Variants in ANO7 observed in about 807,000 individuals in gnomAD.
ANO7 encodes anoctamin-7.
In ANO7, 114 loss-of-function variants were observed where a neutral mutation model predicts 115.8. That is an observed-to-expected ratio of 0.98 (90% CI 0.85 to 1.15). The LOEUF (loss-of-function observed/expected upper bound fraction) is 1.15. Ranked by LOEUF, ANO7 falls within the 50% of genes most tolerant of loss-of-function variation. The pLI is 0.00. For missense variants in ANO7, 1,302 were observed against 1,201.2 expected, an observed-to-expected ratio of 1.08 and a Z score of -1.24; for synonymous variants, 550 against 498.2, an observed-to-expected ratio of 1.10 and a Z score of -1.38.
Position 241,223,830 on chromosome 2 carries a change from C to T in ANO7, c.2532+49C>T, listed in dbSNP as rs758333668. The T allele has an allele frequency of 5.6e-6, 9 of 1,614,010 alleles. No individual in the cohort carries two copies. The African/African-American group carries it at 6.7e-5, about 12-fold the overall frequency. ...GCCCTCCCCCCAGCCCTCTCCCTAT[C>T]CTTGTCAGTGGCTGCTCTACCTCCG... On this transcript the variant is annotated intron_variant, in intron 23 of 24. Transcript: ENST00000674324.
Position 241,203,248 on chromosome 2 carries a change from T to G in ANO7, c.724-85T>G. 2 of 1,142,696 alleles carry G rather than the reference T, an allele frequency of 1.8e-6. No homozygotes were observed. Among genetic ancestry groups the G allele is most frequent in the Admixed American group, 6.8e-5 (2 of 29,326 alleles). 70.8% of individuals were successfully genotyped at this position (1,142,696 alleles called of 1,614,324 possible). On this transcript the variant is annotated intron_variant, in intron 8 of 24. Coordinates refer to ENST00000674324, the MANE Select transcript of ANO7 (RefSeq NM_001370694.2). The surrounding 1 kb of genome is among the most constrained non-coding windows in gnomAD (Gnocchi z 4.8). ...AGACTCCCAGGCCTGTCTGCCCATGTCCCACACTGAAGCCCCTGCACCTAC... is the reference window on the plus strand; with the variant it reads ...AGACTCCCAGGCCTGTCTGCCCATGGCCCACACTGAAGCCCCTGCACCTAC...
At chr2:241,223,524 CT>C in intron 22 of ANO7, 137 bp from the exon 23 acceptor site, 1 of 1,387,872 alleles carries the variant, frequency 7.2e-7, no homozygotes, top group Non-Finnish European at 9.8e-7. Flanking sequence ...TCTGCCCCTT[CT>C]GGGGTTCCTT....
chr2:241,218,133 G>A (rs1457527776), intron 20 of ANO7, 106 bp from the exon 21 acceptor site: 5 of 502,942 alleles, frequency 9.9e-6, no homozygotes, highest in Non-Finnish European at 1.2e-5. Flanking sequence ...GCGGAGCGGG[G>A]GCGCGCAGGG....
chr2:241,214,743 AG>A, intron 17 of ANO7, 61 bp from the exon 18 acceptor site: 1 of 1,484,210 alleles, frequency 6.7e-7, no homozygotes, highest in Non-Finnish European at 9.3e-7. Context: ...TGAGACAAGA[AG>A]GGATGCGTGG....
chr2:241,209,581 TGA>T lies in ANO7; in HGVS notation c.1309_1310del (p.Arg437GlufsTer138). The T allele has an allele frequency of 6.2e-7, 1 of 1,603,432 alleles. No individual in the cohort carries two copies. Among genetic ancestry groups the T allele is most frequent in the Non-Finnish European group, 8.5e-7 (1 of 1,175,752 alleles). On this transcript the variant is annotated frameshift_variant, in exon 13 of 25. Coordinates refer to ENST00000674324, the MANE Select transcript of ANO7 (RefSeq NM_001370694.2). LOFTEE classifies it high-confidence loss of function. ...CGGGTGAGGACGAGCCCTACTTCCC[TGA>T]GAGGAGCCGCGCGCGCCGCATGCTG... ...ITGEDEPYFP[E>X]RSRARRMLAG...
intron 1 of ANO7, 147 bp from the exon 2 acceptor site, chr2:241,189,910 G>A: frequency 4.9e-6 from 3 of 607,928 alleles, no homozygotes; most frequent in Non-Finnish European, 8.6e-6. Flanking sequence ...CTCATGGCCA[G>A]GAGAGTCTGC....
chr2:241,235,259 C>A, the ANO7 span: 1 of 1,614,140 alleles, frequency 6.2e-7, no homozygotes, highest in Non-Finnish European at 8.5e-7. Flanking sequence ...TGTTCACCTA[C>A]GTGAAGAGGG....
chr2:241,213,687 C>A (rs985156748), intron 17 of ANO7, among the ~76,000 whole-genome samples: 1 of 152,242 alleles, frequency 6.6e-6, no homozygotes, highest in African/African-American at 2.4e-5. Context: ...GAGCCATCCA[C>A]AGGTGGCCTC....
intron 21 of ANO7, among the ~76,000 whole-genome samples, chr2:241,218,805 A>G (rs1283999277): frequency 6.6e-6 from 1 of 152,240 alleles, no homozygotes; most frequent in Admixed American, 6.5e-5. Context: ...TGAAAGAGTC[A>G]TAATAGATCA....
chr2:241,190,219 G>C (rs1481548660), intron 2 of ANO7, 48 bp downstream of exon 2: 1 of 1,498,508 alleles, frequency 6.7e-7, no homozygotes, highest in South Asian at 1.2e-5. Flanking sequence ...GTCCTCCCCT[G>C]CCTGGGTCTA....
chr2:241,210,415 C>T (rs376151641), intron 14 of ANO7, 22 bp downstream of exon 14: 96 of 1,613,690 alleles, frequency 5.9e-5, no homozygotes, highest in South Asian at 2.4e-4. Context: ...CTGCCTGCCT[C>T]GGGGGGCCCT....
At chr2:241,231,326 G>T in the ANO7 span, 36 of 160,760 alleles carry the variant, frequency 2.2e-4, 1 homozygote, top group Middle Eastern at 3.1e-3. Flanking sequence ...GGAGGTTGCT[G>T]TGAGCCGAGA....
At chr2:241,207,765 CCT>C (rs1326629526) in intron 11 of ANO7, 95 bp downstream of exon 11, 25 of 1,155,162 alleles carry the variant, frequency 2.2e-5, no homozygotes, top group South Asian at 6.2e-5. Flanking sequence ...TGCACCAGCC[CCT>C]GTCCTGCTTG....
chr2:241,203,508 C>A lies in ANO7; in HGVS notation c.889+10C>A. 1 of 1,454,726 alleles carries A rather than the reference C, an allele frequency of 6.9e-7. No individual in the cohort carries two copies. The highest frequency in any genetic ancestry group is 2.8e-5 in the East Asian group (1 of 36,190). The allele number at this position is 1,454,726 out of a possible 1,614,324, so 90.1% of individuals were successfully genotyped here. A position where few individuals can be genotyped will look rare whatever the true frequency, so the allele number is the denominator to read the frequency against. On this transcript the variant is annotated intron_variant, in intron 9 of 24. Transcript: ENST00000674324. This position sits in a 1 kb window ranked among gnomAD's most constrained non-coding sequence, Gnocchi z 4.8. ...TACTTCGCCTGGCTCGGTGAGTCCC[C>A]CCCGCTGCCCCCCAGACCACCTGGG...
At chr2:241,192,157 A>C (rs771444512) in intron 3 of ANO7, among the ~76,000 whole-genome samples, 26 of 152,106 alleles carry the variant, frequency 1.7e-4, no homozygotes, top group Non-Finnish European at 3.5e-4. Context: ...ATCAACATGG[A>C]GAAACTAAAA....
intron 1 of ANO7, among the ~76,000 whole-genome samples, chr2:241,189,849 G>A (rs550394309): frequency 1.4e-4 from 21 of 152,236 alleles, no homozygotes; most frequent in African/African-American, 4.3e-4. Flanking sequence ...CTCCCGCCCC[G>A]GCACTGGTTT....
chr2:241,208,565 A>C (rs1343268437), intron 11 of ANO7, among the ~76,000 whole-genome samples: 1 of 152,212 alleles, frequency 6.6e-6, no homozygotes, highest in African/African-American at 2.4e-5. Flanking sequence ...ATAAGATTAC[A>C]TTCTGAGGTT....
In ANO7 at chr2:241,191,246, G is replaced by T. The variant is rs141913177; in HGVS notation, c.161G>T (p.Arg54Leu). The T allele has an allele frequency of 2.5e-6, 4 of 1,613,668 alleles. No homozygotes were observed. The highest frequency in any genetic ancestry group is 3.4e-6 in the Non-Finnish European group (4 of 1,179,922). Reference protein sequence around the residue: ...ACRAGSPAKPRIADFVLVWEE... With the variant: ...ACRAGSPAKPLIADFVLVWEE... ...AGAGCTGGGAGTCCTGCCAAGCCCC[G>T]GATCGGTGAGCCCCTCCCAGCACCT... The change falls in exon 3 of 25, where the codon CGG becomes CTG. Residue 54 changes from arginine to leucine, a missense_variant. Physicochemically the swap from Arg to Leu is moderately radical, Grantham distance 102 (BLOSUM62 -2). Transcript: ENST00000674324.
intron 11 of ANO7, 66 bp downstream of exon 11, chr2:241,207,736 T>C (rs1160455570): frequency 6.8e-7 from 1 of 1,466,194 alleles, no homozygotes; most frequent in Non-Finnish European, 9.5e-7. Flanking sequence ...GCTCCCCTTG[T>C]CCTGGTCCTG....
Sources: gnomAD v4.1 joint callset for allele counts (sites outside exome capture counted in the v4.1 genomes callset) on GRCh38, gnomAD v4.1.1 for gene constraint, Gnocchi (gnomAD v3.1) non-coding constraint, MANE v1.5 for transcripts, NCBI Gene and HGNC (gene_info 2026-07-23, HGNC 2026-07-21) for gene names.